Variants in ASZ1 observed in about 807,000 individuals in gnomAD.
ASZ1 encodes the protein ankyrin repeat, SAM and basic leucine zipper domain-containing protein 1.
In ASZ1, 67 loss-of-function variants were observed where a neutral mutation model predicts 61.8. The observed-to-expected ratio is 1.08, with a 90% CI of 0.89 to 1.33. ASZ1 has a LOEUF of 1.33. Among genes scored for constraint, ASZ1 ranks in the 40% most tolerant of loss-of-function variants. The pLI is 0.00. For missense variants in ASZ1, 577 were observed against 554.5 expected (o/e 1.04, Z -0.41); for synonymous variants, 193 against 192.7 (o/e 1.00, Z -0.01).
chr7:117,398,865 G>A (rs28612193), intron 4 of ASZ1, among the ~76,000 whole-genome samples: 3 of 152,014 alleles, frequency 2.0e-5, no homozygotes, highest in Admixed American at 6.6e-5. Context: ...CCACTTGCAC[G>A]TGCACCTACC....
intron 11 of ASZ1, chr7:117,368,400 T>G (rs1272448740): frequency 2.1e-5 from 26 of 1,225,322 alleles, no homozygotes; most frequent in Non-Finnish European, 2.6e-5. Context: ...CTGACTCATT[T>G]TCTTTTTCTT....
At chr7:117,400,468 A>G (rs1207229535) in intron 4 of ASZ1, among the ~76,000 whole-genome samples, 1 of 152,194 alleles carries the variant, frequency 6.6e-6, no homozygotes, top group East Asian at 1.9e-4. Flanking sequence ...GACATTTGCC[A>G]ATTAGCATTG....
At chr7:117,417,629 T>C (rs990018931) in intron 4 of ASZ1, among the ~76,000 whole-genome samples, 1 of 152,184 alleles carries the variant, frequency 6.6e-6, no homozygotes, top group African/African-American at 2.4e-5. Flanking sequence ...GCTATCCTTC[T>C]TATAAAATTT....
At position 117,427,467 on chromosome 7, in the gene ASZ1, C is replaced by G; in HGVS notation, c.-7G>C. On this transcript the variant is annotated 5_prime_UTR_variant, in exon 1 of 13. Transcript: ENST00000284629. ...GCAGCGCGCTCGCCGCCATGCCAGC[C>G]AAGGAAGCTCCCTGTCGGCACCGCG... The G allele has an allele frequency of 6.2e-7, 1 of 1,613,688 alleles. No individual in the cohort carries two copies. The highest frequency in any genetic ancestry group is 8.5e-7 in the Non-Finnish European group (1 of 1,179,752).
At chr7:117,377,893 T>G (rs1399107318) in intron 10 of ASZ1, among the ~76,000 whole-genome samples, 1 of 151,996 alleles carries the variant, frequency 6.6e-6, no homozygotes, top group Non-Finnish European at 1.5e-5. Flanking sequence ...CACAAATATG[T>G]GCAATTAATT....
intron 4 of ASZ1, among the ~76,000 whole-genome samples, chr7:117,409,763 C>G (rs1349404116): frequency 1.3e-5 from 2 of 151,686 alleles, no homozygotes; most frequent in African/African-American, 4.8e-5. Context: ...ACTTCACTAC[C>G]TCCTCTCCAT....
chr7:117,401,166 T>C (rs1185651786), intron 4 of ASZ1, among the ~76,000 whole-genome samples: 1 of 151,906 alleles, frequency 6.6e-6, no homozygotes, highest in Non-Finnish European at 1.5e-5. Flanking sequence ...ATGGAGAAGA[T>C]AAAGGAAGAA....
intron 2 of ASZ1, among the ~76,000 whole-genome samples, chr7:117,422,964 G>T (rs1205143157): frequency 6.6e-6 from 1 of 152,112 alleles, no homozygotes; most frequent in Non-Finnish European, 1.5e-5. Context: ...TGGGACAGGA[G>T]GCAAGGAAAC....
At chr7:117,413,785 T>C (rs1273030653) in intron 4 of ASZ1, among the ~76,000 whole-genome samples, 4 of 152,044 alleles carry the variant, frequency 2.6e-5, no homozygotes, top group Non-Finnish European at 1.5e-5. Flanking sequence ...AAAAAGAAGT[T>C]TGCATGGGAA....
At chr7:117,417,713 T>G (rs906868294) in intron 4 of ASZ1, among the ~76,000 whole-genome samples, 5 of 152,234 alleles carry the variant, frequency 3.3e-5, no homozygotes, top group Non-Finnish European at 7.3e-5. Flanking sequence ...TCAATTTTAT[T>G]GCTTTATGCT....
intron 4 of ASZ1, among the ~76,000 whole-genome samples, chr7:117,399,154 CAGG>C (rs769835204): frequency 6.6e-6 from 1 of 152,136 alleles, no homozygotes; most frequent in Non-Finnish European, 1.5e-5. Context: ...GGCCTGAGCC[CAGG>C]AGGTCGAGGC....
intron 4 of ASZ1, among the ~76,000 whole-genome samples, chr7:117,395,216 T>C (rs528285585): frequency 6.6e-6 from 1 of 152,330 alleles, no homozygotes; most frequent in African/African-American, 2.4e-5. Flanking sequence ...GATAACTTTT[T>C]TCTTTCAAAA....
intron 10 of ASZ1, among the ~76,000 whole-genome samples, chr7:117,377,626 A>T (rs1223143858): frequency 6.6e-6 from 1 of 152,236 alleles, no homozygotes; most frequent in Non-Finnish European, 1.5e-5. Flanking sequence ...TTATACCTAA[A>T]TTAATCAATA....
chr7:117,386,395 T>A (rs1227209167), intron 4 of ASZ1, among the ~76,000 whole-genome samples: 1 of 152,202 alleles, frequency 6.6e-6, no homozygotes, highest in African/African-American at 2.4e-5. Context: ...AATATTCTCT[T>A]AAGAGTACTT....
chr7:117,368,576 C>A, intron 11 of ASZ1, 36 bp downstream of exon 11: 1 of 1,600,522 alleles, frequency 6.2e-7, no homozygotes, highest in South Asian at 1.1e-5. Flanking sequence ...CTTCAGTGTT[C>A]ATACTTTTCT....
intron 3 of ASZ1, 136 bp downstream of exon 3, chr7:117,422,100 TG>T: frequency 1.1e-6 from 1 of 883,516 alleles, no homozygotes; most frequent in Non-Finnish European, 1.6e-6. Flanking sequence ...AATTTGATTT[TG>T]TATATTATTT....
intron 4 of ASZ1, among the ~76,000 whole-genome samples, chr7:117,412,647 C>G (rs1425112469): frequency 1.3e-5 from 2 of 151,754 alleles, no homozygotes; most frequent in Non-Finnish European, 2.9e-5. Context: ...TCTGCCTTAT[C>G]AATGGTAATA....
In ASZ1 at chr7:117,420,166, C is replaced by A; in HGVS notation, c.437G>T (p.Cys146Phe). The change falls in exon 4 of 13, where the codon TGT (cysteine) becomes TTT (phenylalanine). Residue 146 changes from cysteine to phenylalanine, a missense_variant. By Grantham distance (205) the Cys-to-Phe change is radical. Coordinates refer to ENST00000284629, the MANE Select transcript of ASZ1 (RefSeq NM_130768.3). Reference sequence around the variant, plus strand: ...GAACAGATATAAAGGCTCTTACCTACAAGCAACATTTGGATCAGCATTTCT... The same window carrying A: ...GAACAGATATAAAGGCTCTTACCTAAAAGCAACATTTGGATCAGCATTTCT... ...LSRNADPNVA[C>F]RRLMTPIMYA... The A allele has an allele frequency of 6.2e-7, 1 of 1,607,936 alleles. No individual in the cohort carries two copies. The highest frequency in any genetic ancestry group is 1.7e-4 in the Middle Eastern group (1 of 5,912).
intron 4 of ASZ1, among the ~76,000 whole-genome samples, chr7:117,411,041 T>G (rs894364122): frequency 2.0e-5 from 3 of 151,488 alleles, no homozygotes; most frequent in Non-Finnish European, 4.4e-5. Flanking sequence ...CAGACACTAA[T>G]AAGATAAAAG....
Sources: allele counts gnomAD v4.1 joint callset (sites outside exome capture counted in the v4.1 genomes callset), GRCh38; gene constraint gnomAD v4.1.1; transcripts MANE v1.5; gene names NCBI Gene and HGNC (gene_info 2026-07-23, HGNC 2026-07-21).